Variants in GSN observed in about 807,000 individuals in gnomAD.
GSN encodes gelsolin.
In GSN, 56 loss-of-function variants were observed where a neutral mutation model predicts 85.7. The ratio of observed to expected loss-of-function variants is 0.65; its 90% CI spans 0.53 to 0.82. The LOEUF is 0.82. GSN is among the 40% of genes least tolerant of loss of function. The pLI, the probability that GSN is intolerant of heterozygous loss-of-function variation, is 0.00. For synonymous variants in GSN, 373 were observed against 399.1 expected, an observed-to-expected ratio of 0.93 and a Z score of 0.78; for missense variants, 857 against 979.8, an observed-to-expected ratio of 0.87 and a Z score of 1.67.
intron 4 of GSN, among the ~76,000 whole-genome samples, chr9:121,225,291 C>A (rs530551898): frequency 3.4e-4 from 52 of 152,284 alleles, no homozygotes; most frequent in African/African-American, 1.2e-3. Flanking sequence ...AAAGTAACTA[C>A]AAATGGACTT....
intron 4 of GSN, among the ~76,000 whole-genome samples, chr9:121,228,871 A>G (rs116107674): frequency 3.3e-5 from 5 of 152,324 alleles, no homozygotes; most frequent in Admixed American, 1.3e-4. Context: ...ATGCACACAT[A>G]CACACATGCT....
chr9:121,286,009 T>G (rs949578146), intron 2 of GSN: 9 of 911,182 alleles, frequency 9.9e-6, no homozygotes, highest in Non-Finnish European at 1.5e-5. Context: ...TTTCCGGAAC[T>G]GTGTGTGCCT....
rs1171532675 is a variant in GSN at position 121,281,517 on chromosome 9, C to T, written c.-55C>T. ...TCCAGTGCTTCGGCCTTGGTCCCAG[C>T]GCCTTCCCACGGAGCAGCACTCTTC... On this transcript the variant is annotated 5_prime_UTR_variant, in exon 2 of 18. Coordinates refer to ENST00000432226, the MANE Select transcript of GSN (RefSeq NM_198252.3). The T allele has an allele frequency of 1.2e-5, 5 of 407,824 alleles. No individual in the cohort carries two copies. The highest frequency in any genetic ancestry group is 2.1e-5 in the African/African-American group (1 of 48,102). 25.3% of individuals were successfully genotyped at this position (407,824 alleles called of 1,614,324 possible).
Position 121,318,104 on chromosome 9 carries a change from C to CT in GSN, c.887-295dup, listed in dbSNP as rs1286547710. Among the ~76,000 whole-genome samples the CT allele has an allele frequency of 3.3e-5, 5 of 152,196 alleles. No homozygotes were observed. The highest frequency in any genetic ancestry group is 1.2e-4 in the African/African-American group (5 of 41,452). ...ATAGATACTCAGAAAAAGATAACAACTTTTTTTATTACTTAAGACTATTCT... is the reference window on the plus strand; with the variant it reads ...ATAGATACTCAGAAAAAGATAACAACTTTTTTTTATTACTTAAGACTATTCT... On this transcript the variant is annotated intron_variant, in intron 8 of 17. Coordinates refer to ENST00000432226, the MANE Select transcript of GSN (RefSeq NM_198252.3). The surrounding 1 kb of genome is among the most constrained non-coding windows in gnomAD (Gnocchi z 4.3).
At chr9:121,263,953 A>T (rs905999237), upstream of GSN, among the ~76,000 whole-genome samples, 10 of 150,950 alleles carry the variant, frequency 6.6e-5, no homozygotes, top group African/African-American at 2.4e-4. Flanking sequence ...GGCATGGGGG[A>T]AACTGCCCCC....
At chr9:121,312,578 G>C (rs1238980900) in intron 6 of GSN, 90 bp downstream of exon 6, 8,510 of 530,280 alleles carry the variant, frequency 0.016, no homozygotes, top group East Asian at 0.021. Context: ...TGAATTTGAG[G>C]AAAAAAAAAA....
chr9:121,286,297 C>T, intron 2 of GSN: 1 of 694,206 alleles, frequency 1.4e-6, no homozygotes, highest in Non-Finnish European at 2.4e-6. Context: ...CAGCCAGGCC[C>T]CCTGCAGAGA....
At chr9:121,322,019 A>G (rs1159299684) in intron 11 of GSN, among the ~76,000 whole-genome samples, 1 of 152,198 alleles carries the variant, frequency 6.6e-6, no homozygotes, top group African/African-American at 2.4e-5. Flanking sequence ...CTGGGGTTAC[A>G]GGAGTGAGCC....
At chr9:121,266,850 A>G (rs919558278), upstream of GSN, among the ~76,000 whole-genome samples, 1 of 152,164 alleles carries the variant, frequency 6.6e-6, no homozygotes. Context: ...TTGAACAAAG[A>G]GAGAATGGCA....
At position 121,234,387 on chromosome 9, in the gene GSN, G is replaced by A. The variant is rs79678732; in HGVS notation, c.-389+3084G>A. ...GAAATGGCATCACATATGGGATGCTGACTCACAGCACCGATCCCTTCCGGA... is the reference window on the plus strand; with the variant it reads ...GAAATGGCATCACATATGGGATGCTAACTCACAGCACCGATCCCTTCCGGA... On this transcript the variant is annotated intron_variant, in intron 5 of 24. Coordinates refer to the GSN transcript ENST00000373823. 4.5e-4 allele frequency among the ~76,000 whole-genome samples: 69 copies of A among 152,304 alleles called. No homozygotes were observed. In the Middle Eastern group the frequency reaches 0.017, roughly 38 times the overall value.
At chr9:121,276,949 A>T (rs1158575468) in intron 1 of GSN, among the ~76,000 whole-genome samples, 2 of 152,264 alleles carry the variant, frequency 1.3e-5, no homozygotes, top group South Asian at 4.1e-4. Flanking sequence ...AATAAAAAAA[A>T]AAGAAAGAAA....
chr9:121,281,731 C>G (rs1343351109), intron 2 of GSN, 169 bp downstream of exon 2: 2 of 471,084 alleles, frequency 4.2e-6, no homozygotes, highest in Non-Finnish European at 8.8e-6. Context: ...CTGCTCCTTT[C>G]CTGTCCTTGA....
chr9:121,310,393 G>A (rs761335839), intron 4 of GSN: 13 of 448,478 alleles, frequency 2.9e-5, no homozygotes, highest in Non-Finnish European at 4.6e-5. Flanking sequence ...AGTGGAGTAT[G>A]GGATTCAAAG....
intron 6 of GSN, among the ~76,000 whole-genome samples, chr9:121,254,706 G>A (rs1306691519): frequency 6.6e-6 from 1 of 152,056 alleles, no homozygotes; most frequent in Non-Finnish European, 1.5e-5. Context: ...CAATATGTTT[G>A]TGTCTCCACC....
chr9:121,206,271 C>T (rs1246104309), upstream of GSN, among the ~76,000 whole-genome samples: 1 of 151,954 alleles, frequency 6.6e-6, no homozygotes, highest in Non-Finnish European at 1.5e-5. Flanking sequence ...AGATCAGGTG[C>T]GGTCATGGTG....
intron 4 of GSN, among the ~76,000 whole-genome samples, chr9:121,227,381 G>A (rs2054290534): frequency 6.6e-6 from 1 of 151,392 alleles, no homozygotes; most frequent in Non-Finnish European, 1.5e-5. Context: ...GCAACAGAGC[G>A]AGACTCCATC....
At chr9:121,212,954 T>A (rs575791679) in intron 4 of GSN, among the ~76,000 whole-genome samples, 1 of 152,192 alleles carries the variant, frequency 6.6e-6, no homozygotes, top group Non-Finnish European at 1.5e-5. Flanking sequence ...TGGCTCTTGC[T>A]CTTGACAAAG....
At chr9:121,263,172 T>C (rs2055122359), upstream of GSN, among the ~76,000 whole-genome samples, 2 of 152,184 alleles carry the variant, frequency 1.3e-5, no homozygotes, top group Non-Finnish European at 2.9e-5. Flanking sequence ...CCCTGATTTA[T>C]AGCCTTTCCT....
chr9:121,256,910 A>G (rs2054974398), intron 6 of GSN, among the ~76,000 whole-genome samples: 1 of 152,174 alleles, frequency 6.6e-6, no homozygotes, highest in African/African-American at 2.4e-5. Flanking sequence ...AAAAGAAAAA[A>G]AGGAATAAGT....
Sources: allele counts gnomAD v4.1 joint callset (sites outside exome capture counted in the v4.1 genomes callset), GRCh38; gene constraint gnomAD v4.1.1; non-coding constraint Gnocchi (gnomAD v3.1); transcripts MANE v1.5; gene names NCBI Gene and HGNC (gene_info 2026-07-23, HGNC 2026-07-21).